Variants in INO80 observed in about 807,000 individuals in gnomAD.
INO80 encodes the protein chromatin-remodeling ATPase INO80.
A neutral mutation model predicts 203.4 loss-of-function variants in INO80; 20 were observed. The ratio of observed to expected loss-of-function variants is 0.10; its 90% confidence interval spans 0.07 to 0.14. The LOEUF (loss-of-function observed/expected upper bound fraction) is 0.14, where lower values mean the gene tolerates loss of function less well. Among genes scored for constraint, INO80 ranks in the 10% least tolerant of loss-of-function variants. The probability of loss-of-function intolerance (pLI) is 1.00; values close to 1 mark genes in which losing one functional copy is unlikely to be tolerated. For missense variants in INO80, 1,419 were observed against 1,914.4 expected (o/e 0.74, Z 4.83); for synonymous variants, 726 against 685.2 (o/e 1.06, Z -0.93).
chr15:41,078,376 C>A (rs986659131), intron 9 of INO80, among the ~76,000 whole-genome samples: 1 of 152,136 alleles, frequency 6.6e-6, no homozygotes, highest in African/African-American at 2.4e-5. Flanking sequence ...TCTCAGAAAT[C>A]TAGAATATAG....
intron 2 of INO80, 107 bp from the exon 3 acceptor site, chr15:41,096,035 AC>A: frequency 1.4e-6 from 2 of 1,407,254 alleles, no homozygotes; most frequent in Non-Finnish European, 1.9e-6. Context: ...AAATAAATTG[AC>A]TTTTTTATTT....
At chr15:41,072,176 ATT>A (rs368468842) in intron 11 of INO80, 118 bp from the exon 12 acceptor site, 85 of 627,804 alleles carry the variant, frequency 1.4e-4, no homozygotes, top group African/African-American at 1.2e-3. Context: ...TTGGAACAAA[ATT>A]TCTCATAATC....
intron 28 of INO80, 146 bp from the exon 29 acceptor site, chr15:40,997,747 A>G: frequency 1.7e-6 from 1 of 592,810 alleles, no homozygotes. Flanking sequence ...GTATTTCTGT[A>G]AAGCATTATA....
intron 1 of INO80, among the ~76,000 whole-genome samples, chr15:41,106,976 C>G (rs1479980347): frequency 6.6e-6 from 1 of 152,196 alleles, no homozygotes; most frequent in Non-Finnish European, 1.5e-5. Flanking sequence ...TTGTTAACCT[C>G]TGCCCCTTCG....
At chr15:41,015,899 C>T (rs1005972023) in intron 27 of INO80, among the ~76,000 whole-genome samples, 189 bp downstream of exon 27, 3 of 147,988 alleles carry the variant, frequency 2.0e-5, no homozygotes, top group South Asian at 2.1e-4. Context: ...GAGCCGAGAT[C>T]GCATCACTGC....
At chr15:41,042,038 G>C (rs2044677576) in intron 24 of INO80, among the ~76,000 whole-genome samples, 1 of 142,540 alleles carries the variant, frequency 7.0e-6, no homozygotes, top group Non-Finnish European at 1.5e-5. Context: ...TTTTGAGACA[G>C]AATCTTGCTC....
At chr15:41,089,743 C>CAAAAAA (rs796081701) in intron 5 of INO80, among the ~76,000 whole-genome samples, 1 of 112,988 alleles carries the variant, frequency 8.9e-6, no homozygotes, top group Non-Finnish European at 1.9e-5. Flanking sequence ...AACTCAATCT[C>CAAAAAA]AAAAAAAAAA....
At chr15:41,093,724 T>C (rs1260798334) in intron 4 of INO80, among the ~76,000 whole-genome samples, 2 of 151,830 alleles carry the variant, frequency 1.3e-5, no homozygotes, top group Non-Finnish European at 2.9e-5. Context: ...GGTGCGGGCC[T>C]GTAGTCCTAC....
chr15:41,058,390 G>A (rs1348474321), intron 16 of INO80, among the ~76,000 whole-genome samples: 1 of 152,128 alleles, frequency 6.6e-6, no homozygotes, highest in Non-Finnish European at 1.5e-5. Flanking sequence ...TATTGGACGG[G>A]TGGCTCATCC....
rs576578009 is a variant in INO80, at chr15:41,086,942, A to G, written c.658+620T>C. The stretch of plus-strand genomic sequence containing the variant: ...AACTTCCTATCCCAGAACATTTGCA[A>G]TATTTGCAGAGTGTGTATAAGAAAA... On this transcript the variant is annotated intron_variant, in intron 6 of 35. Transcript: ENST00000648947. Among the ~76,000 whole-genome samples, 9 of 152,310 alleles carry G rather than the reference A, an allele frequency of 5.9e-5. No homozygotes were observed. The East Asian group carries it at 1.5e-3, about 26-fold the overall frequency.
intron 1 of INO80, among the ~76,000 whole-genome samples, chr15:41,112,174 T>C (rs2045967637): frequency 6.6e-6 from 1 of 152,124 alleles, no homozygotes; most frequent in African/African-American, 2.4e-5. Context: ...AGTGCTGGGA[T>C]TACAGGTGGA....
chr15:40,980,267 C>A lies in INO80; in HGVS notation c.4627G>T (p.Val1543Phe), dbSNP rs201803848. 1.2e-6 allele frequency: 2 copies of A among 1,613,444 alleles called. No homozygotes were observed. Among genetic ancestry groups the A allele is most frequent in the African/African-American group, 1.3e-5 (1 of 75,012 alleles). The change falls in exon 36 of 36, where the codon GTC (valine) becomes TTC (phenylalanine). Residue 1543 changes from valine to phenylalanine, a missense_variant. Physicochemically the swap from Val to Phe is conservative, Grantham distance 50. Around this residue, in one of 9 missense-constraint regions of INO80, gnomAD observed 112 missense variants for 106.2 expected, o/e 1.05. Transcript: ENST00000648947. Reference protein sequence around the residue: ...MTSSLAPDSLVRKQGKGTNPS... With the variant: ...MTSSLAPDSLFRKQGKGTNPS... ...TTGGTGCCTTTGCCCTGTTTCCGGA[C>A]CAGAGAGTCTGGGGCTAGGCTGCTG...
chr15:40,992,067 G>T (rs113122143), intron 29 of INO80, among the ~76,000 whole-genome samples: 5,315 of 152,186 alleles, frequency 0.035, 258 homozygotes, highest in African/African-American at 0.11. Flanking sequence ...TGAGCCACCG[G>T]GCCCTGCTGA....
intron 34 of INO80, chr15:40,983,347 T>G: frequency 2.2e-6 from 1 of 457,448 alleles, no homozygotes. Flanking sequence ...TCTTTAAATT[T>G]GTCCATTACA....
intron 28 of INO80, among the ~76,000 whole-genome samples, chr15:40,998,074 T>C (rs551669550): frequency 1.5e-4 from 22 of 142,602 alleles, no homozygotes; most frequent in African/African-American, 5.8e-4. Context: ...CAGGCTGGAG[T>C]GTAGAGGCGC....
intron 7 of INO80, among the ~76,000 whole-genome samples, chr15:41,082,236 G>A (rs2045495891): frequency 7.7e-6 from 1 of 130,406 alleles, no homozygotes; most frequent in Non-Finnish European, 1.6e-5. Context: ...GGTGACAAGA[G>A]CAAAACTCCG....
chr15:41,071,996 C>T lies in INO80; in HGVS notation c.1458G>A (p.Lys486=). 6.2e-7 allele frequency: 1 copy of T among 1,612,116 alleles called. No homozygotes were observed. The change falls in exon 12 of 36, where the codon AAG becomes AAA. Residue 486 remains lysine, a synonymous_variant. Coordinates refer to ENST00000648947, the MANE Select transcript of INO80 (RefSeq NM_017553.3). Reference sequence around the variant, plus strand: ...AACTCTCCCCAAACCCAGTGCCAGACTTGTTTGCTGCCCGTAGGGCAGCTG... The same window carrying T: ...AACTCTCCCCAAACCCAGTGCCAGATTTGTTTGCTGCCCGTAGGGCAGCTG... The part of the protein sequence containing the change: ...SRAAALRAAN[K]SGTGFGESYS...
At chr15:41,021,640 G>T (rs1028208500) in intron 25 of INO80, among the ~76,000 whole-genome samples, 1 of 152,176 alleles carries the variant, frequency 6.6e-6, no homozygotes, top group African/African-American at 2.4e-5. Flanking sequence ...CCCTGACCAG[G>T]TTGCTGACTG....
chr15:41,098,182 A>C (rs1231420309), intron 1 of INO80, among the ~76,000 whole-genome samples: 1 of 152,170 alleles, frequency 6.6e-6, no homozygotes, highest in Non-Finnish European at 1.5e-5. Context: ...GCAATCATAC[A>C]TCTTTGAGTT....
Sources: gnomAD v4.1 joint callset for allele counts (sites outside exome capture counted in the v4.1 genomes callset) on GRCh38, gnomAD v4.1.1 for gene constraint, gnomAD v4.1.1 regional missense constraint, MANE v1.5 for transcripts, NCBI Gene and HGNC (gene_info 2026-07-23, HGNC 2026-07-21) for gene names.